The following IPCEF1 variants were observed in gnomAD, a reference collection of about 807,000 sequenced individuals.
IPCEF1 encodes the protein interactor protein for cytohesin exchange factors 1.
Under a neutral mutation model 50.9 loss-of-function variants are expected in IPCEF1, and 31 were observed. The observed-to-expected ratio is 0.61, with a 90% CI of 0.46 to 0.82. IPCEF1 has a LOEUF of 0.82. Among genes scored for constraint, IPCEF1 ranks in the 40% least tolerant of loss-of-function variants. The probability of loss-of-function intolerance (pLI) is 0.00; values close to 1 mark genes in which losing one functional copy is unlikely to be tolerated. For synonymous variants in IPCEF1, 181 were observed against 192.0 expected (o/e 0.94, Z 0.47); for missense variants, 458 against 514.0 (o/e 0.89, Z 1.05).
chr6:154,234,489 T>C (rs968354691), intron 5 of IPCEF1, among the ~76,000 whole-genome samples: 1 of 152,248 alleles, frequency 6.6e-6, no homozygotes, highest in Non-Finnish European at 1.5e-5. Context: ...CAGGATGCTA[T>C]TCCCCTTGCA....
chr6:154,233,204 A>G (rs535326081), intron 5 of IPCEF1, among the ~76,000 whole-genome samples: 1 of 152,266 alleles, frequency 6.6e-6, no homozygotes, highest in African/African-American at 2.4e-5. Context: ...ACTGGCCTCA[A>G]GTGATCTGCC....
At chr6:154,166,109 C>T (rs1027676774) in intron 11 of IPCEF1, among the ~76,000 whole-genome samples, 3 of 152,246 alleles carry the variant, frequency 2.0e-5, no homozygotes, top group Admixed American at 2.0e-4. Context: ...TGGCCACAGA[C>T]ACTTTGAAAT....
intron 5 of IPCEF1, among the ~76,000 whole-genome samples, chr6:154,233,935 G>A (rs1455058373): frequency 6.6e-6 from 1 of 152,166 alleles, no homozygotes; most frequent in Non-Finnish European, 1.5e-5. Flanking sequence ...TAGGCCGGAC[G>A]CCGTGGCTCA....
intron 1 of IPCEF1, among the ~76,000 whole-genome samples, chr6:154,304,942 C>T (rs1012841592): frequency 6.6e-6 from 1 of 152,046 alleles, no homozygotes; most frequent in African/African-American, 2.4e-5. Context: ...GGAGAAACCT[C>T]ATCTCTACTA....
At chr6:154,319,893 C>T (rs1783329959) in intron 1 of IPCEF1, among the ~76,000 whole-genome samples, 1 of 152,170 alleles carries the variant, frequency 6.6e-6, no homozygotes, top group South Asian at 2.1e-4. Context: ...TTAATCATCG[C>T]TGTATCCCCA....
rs185627060 is a variant in IPCEF1, at chr6:154,296,653, C to T, written c.-61-6897G>A. 2.6e-4 allele frequency among the ~76,000 whole-genome samples: 39 copies of T among 152,064 alleles called. No homozygotes were observed. In the East Asian group the frequency reaches 5.0e-3, roughly 20 times the overall value. On this transcript the variant is annotated intron_variant, in intron 1 of 11. Transcript: ENST00000367220. ...GACCATCCTGGCTAACACAGTGAAA[C>T]CCCATCTCTACTAAAAATACAAAAA...
intron 1 of IPCEF1, among the ~76,000 whole-genome samples, chr6:154,324,624 A>G (rs1211944264): frequency 1.3e-5 from 2 of 152,138 alleles, no homozygotes; most frequent in Admixed American, 6.5e-5. Context: ...CCTGGCCAAC[A>G]TGGTGAAACC....
At position 154,168,180 on chromosome 6, in the gene IPCEF1, A is replaced by G. The variant is rs1182549744; in HGVS notation, c.911-67T>C. 4 of 1,240,592 alleles carry G rather than the reference A, an allele frequency of 3.2e-6. No individual in the cohort carries two copies. Among genetic ancestry groups the G allele is most frequent in the African/African-American group, 1.5e-5 (1 of 66,790 alleles). The allele number at this position is 1,240,592 out of a possible 1,614,324, so 76.8% of individuals were successfully genotyped here. ...TGAAAAATCAAGGAGAGAACATTCA[A>G]TACTGTGGTCCCAAGGCACGGCCCC... On this transcript the variant is annotated intron_variant, in intron 10 of 11. Coordinates refer to ENST00000367220, the MANE Select transcript of IPCEF1 (RefSeq NM_001130700.2). The surrounding 1 kb of genome is among the most constrained non-coding windows in gnomAD (Gnocchi z 4.1).
intron 1 of IPCEF1, among the ~76,000 whole-genome samples, chr6:154,314,686 A>C (rs1174285950): frequency 6.6e-6 from 1 of 152,182 alleles, no homozygotes; most frequent in Non-Finnish European, 1.5e-5. Context: ...TCAAGTTTTC[A>C]CATGAAAAAC....
chr6:154,294,957 G>A (rs1389523779), intron 1 of IPCEF1, among the ~76,000 whole-genome samples: 1 of 152,150 alleles, frequency 6.6e-6, no homozygotes, highest in African/African-American at 2.4e-5. Flanking sequence ...CCAGCACTTT[G>A]GGAGGCCAAG....
At chr6:154,169,461 C>A (rs1799699675) in intron 10 of IPCEF1, among the ~76,000 whole-genome samples, 1 of 152,176 alleles carries the variant, frequency 6.6e-6, no homozygotes, top group Non-Finnish European at 1.5e-5. Flanking sequence ...TAAACCCATG[C>A]AAGTCGACAA....
chr6:154,281,077 T>C (rs896296754), intron 2 of IPCEF1, among the ~76,000 whole-genome samples: 6 of 151,022 alleles, frequency 4.0e-5, no homozygotes, highest in Non-Finnish European at 8.8e-5. Flanking sequence ...CAGTGGCTCA[T>C]GCCTGCAATC....
At chr6:154,297,091 A>C (rs570911536) in intron 1 of IPCEF1, among the ~76,000 whole-genome samples, 181 of 151,374 alleles carry the variant, frequency 1.2e-3, no homozygotes, top group Non-Finnish European at 1.8e-3. Flanking sequence ...TCTGTCACCC[A>C]GCCTGGCATG....
At chr6:154,321,537 G>T (rs374104906) in intron 1 of IPCEF1, among the ~76,000 whole-genome samples, 2 of 152,046 alleles carry the variant, frequency 1.3e-5, no homozygotes, top group South Asian at 2.1e-4. Context: ...CAGCACTTTG[G>T]GAGTCAGAGG....
chr6:154,247,025 G>A (rs1030728438), intron 4 of IPCEF1: 45 of 427,512 alleles, frequency 1.1e-4, no homozygotes, highest in East Asian at 4.3e-4. Flanking sequence ...AAGAAACAGC[G>A]CAGCAGGAGT....
intron 5 of IPCEF1, among the ~76,000 whole-genome samples, chr6:154,227,216 C>A (rs970470976): frequency 3.3e-5 from 5 of 150,824 alleles, no homozygotes; most frequent in African/African-American, 4.9e-5. Flanking sequence ...AACAAACAAA[C>A]AAAAAAATTA....
chr6:154,247,280 C>T (rs1188110198), intron 4 of IPCEF1, 169 bp downstream of exon 4: 3 of 581,730 alleles, frequency 5.2e-6, no homozygotes, highest in African/African-American at 3.7e-5. Context: ...AACAACATGT[C>T]GTCATTTCTT....
intron 5 of IPCEF1, among the ~76,000 whole-genome samples, chr6:154,245,156 G>C (rs770055218): frequency 6.6e-6 from 1 of 152,170 alleles, no homozygotes; most frequent in African/African-American, 2.4e-5. Context: ...TAGACAAGAT[G>C]AAGAATGTAT....
intron 7 of IPCEF1, among the ~76,000 whole-genome samples, chr6:154,220,623 C>CGTG (rs1778789853): frequency 6.6e-6 from 1 of 152,120 alleles, no homozygotes; most frequent in Admixed American, 6.5e-5. Context: ...GCCTGGGCAA[C>CGTG]AGAACAAGAC....
Sources: allele counts gnomAD v4.1 joint callset (sites outside exome capture counted in the v4.1 genomes callset), GRCh38; gene constraint gnomAD v4.1.1; non-coding constraint Gnocchi (gnomAD v3.1); transcripts MANE v1.5; gene names NCBI Gene and HGNC (gene_info 2026-07-23, HGNC 2026-07-21).